The following GLG1 variants were observed in gnomAD, a reference collection of about 807,000 sequenced individuals.
GLG1 encodes Golgi apparatus protein 1.
In GLG1, 38 loss-of-function variants were observed where a neutral mutation model predicts 160.5. The observed-to-expected ratio is 0.24, with a 90% CI of 0.18 to 0.31. The LOEUF is 0.31. Ranked by LOEUF, GLG1 falls within the 10% of genes least tolerant of loss-of-function variation. The pLI is 1.00. For missense variants in GLG1, 1,373 were observed against 1,505.2 expected (o/e 0.91, Z 1.45); for synonymous variants, 644 against 543.4 (o/e 1.19, Z -2.57).
intron 2 of GLG1, among the ~76,000 whole-genome samples, chr16:74,522,002 G>A (rs1456389236): frequency 6.6e-6 from 1 of 152,174 alleles, no homozygotes; most frequent in African/African-American, 2.4e-5. Context: ...TGAAAGTACG[G>A]CATCCCGATT....
rs746009529 is a variant in GLG1 at position 74,462,145 on chromosome 16, G to A, written c.2985C>T (p.Ser995=). 22 of 1,608,504 alleles carry A rather than the reference G, an allele frequency of 1.4e-5. No homozygotes were observed. The highest frequency in any genetic ancestry group is 1.3e-4 in the African/African-American group (10 of 74,778). ...EDQIRIIIQE[S]ALDYRLDPQL... Reference sequence around the variant, plus strand: ...GAGGATCCAGGCGGTAGTCCAGGGCGGACTCCTGGATAATGATTCGGATCT... The same window carrying A: ...GAGGATCCAGGCGGTAGTCCAGGGCAGACTCCTGGATAATGATTCGGATCT... The change falls in exon 22 of 26, where the codon TCC becomes TCT. Residue 995 remains serine, a synonymous_variant. Coordinates refer to ENST00000422840, the MANE Select transcript of GLG1 (RefSeq NM_001145667.2).
At chr16:74,540,106 A>T (rs868844149) in intron 1 of GLG1, among the ~76,000 whole-genome samples, 38 of 1,406 alleles carry the variant, frequency 0.027, 18 homozygotes, top group Non-Finnish European at 0.22. Context: ...TATATATTTT[A>T]TATATATATA....
intron 2 of GLG1, among the ~76,000 whole-genome samples, chr16:74,530,100 G>A (rs989866012): frequency 7.2e-5 from 11 of 152,042 alleles, no homozygotes; most frequent in South Asian, 2.1e-4. Context: ...TACTGCGCCC[G>A]GCTGGCTCTT....
At chr16:74,531,700 C>T (rs558522926) in intron 2 of GLG1, among the ~76,000 whole-genome samples, 1 of 152,292 alleles carries the variant, frequency 6.6e-6, no homozygotes, top group East Asian at 1.9e-4. Context: ...CCAGTGTCTT[C>T]TGTATAGACT....
intron 1 of GLG1, among the ~76,000 whole-genome samples, chr16:74,563,812 A>G (rs1478072727): frequency 6.6e-6 from 1 of 152,190 alleles, no homozygotes; most frequent in African/African-American, 2.4e-5. Flanking sequence ...TGCAAAGGCT[A>G]TGGTTACAAA....
intron 2 of GLG1, among the ~76,000 whole-genome samples, chr16:74,530,397 C>A (rs1304821312): frequency 6.6e-6 from 1 of 152,128 alleles, no homozygotes; most frequent in Non-Finnish European, 1.5e-5. Flanking sequence ...CTGCAGAGAG[C>A]CAGAAAGTAA....
intron 8 of GLG1, among the ~76,000 whole-genome samples, chr16:74,488,473 T>C (rs985509996): frequency 3.9e-5 from 6 of 152,168 alleles, no homozygotes; most frequent in African/African-American, 1.2e-4. Flanking sequence ...GCTACTGTAG[T>C]AGAACACTAA....
At chr16:74,484,070 T>C (rs2015702794) in intron 9 of GLG1, among the ~76,000 whole-genome samples, 1 of 152,248 alleles carries the variant, frequency 6.6e-6, no homozygotes, top group Non-Finnish European at 1.5e-5. Flanking sequence ...TTCTTCCTTC[T>C]TCCCTCTCCC....
rs201151301 is a variant in GLG1 at position 74,463,529 on chromosome 16, C to G, written c.2668-50G>C. 71 of 1,591,918 alleles carry G rather than the reference C, an allele frequency of 4.5e-5. No individual in the cohort carries two copies. The African/African-American group carries it at 9.2e-4, about 21-fold the overall frequency. On this transcript the variant is annotated intron_variant, in intron 19 of 25. Transcript: ENST00000422840. Reference sequence around the variant, plus strand: ...ACAGCTATCTAAACATGGCGATTAACTCCATCTGCGACCACTTTTTTTTTT... The same window carrying G: ...ACAGCTATCTAAACATGGCGATTAAGTCCATCTGCGACCACTTTTTTTTTT...
intron 2 of GLG1, among the ~76,000 whole-genome samples, chr16:74,517,101 C>CA (rs1420062000): frequency 6.6e-6 from 1 of 152,200 alleles, no homozygotes; most frequent in Non-Finnish European, 1.5e-5. Context: ...CAGGTGGACT[C>CA]ACGGCCGAAT....
At chr16:74,598,691 G>C (rs145691597) in intron 1 of GLG1, among the ~76,000 whole-genome samples, 63 of 151,546 alleles carry the variant, frequency 4.2e-4, no homozygotes, top group African/African-American at 1.4e-3. Flanking sequence ...TCAGGAGTTT[G>C]AGACCACCCT....
intron 1 of GLG1, among the ~76,000 whole-genome samples, chr16:74,557,118 A>G (rs1567522069): frequency 1.3e-5 from 2 of 152,176 alleles, no homozygotes; most frequent in African/African-American, 4.8e-5. Flanking sequence ...GGGGTTAGCA[A>G]AAAGTTTGTG....
chr16:74,491,541 G>A (rs192028838), intron 7 of GLG1, among the ~76,000 whole-genome samples: 54 of 151,996 alleles, frequency 3.6e-4, no homozygotes, highest in Admixed American at 9.2e-4. Flanking sequence ...ATCTCCATTG[G>A]CCTACACAAT....
intron 16 of GLG1, 165 bp from the exon 17 acceptor site, chr16:74,469,228 A>G (rs769995524): frequency 9.9e-6 from 6 of 604,624 alleles, no homozygotes; most frequent in South Asian, 5.9e-5. Context: ...AAAAGCTGCA[A>G]TTTGACTGTG....
At chr16:74,480,152 T>C in intron 11 of GLG1, 89 bp downstream of exon 11, 1 of 1,103,158 alleles carries the variant, frequency 9.1e-7, no homozygotes, top group Non-Finnish European at 1.4e-6. Flanking sequence ...AAAGTTTTCC[T>C]AATATGACTG....
chr16:74,549,838 G>A (rs2018149332), intron 1 of GLG1, among the ~76,000 whole-genome samples: 1 of 152,012 alleles, frequency 6.6e-6, no homozygotes, highest in Non-Finnish European at 1.5e-5. Flanking sequence ...AAGGGGCTGA[G>A]CGTGGTGGCT....
chr16:74,501,643 G>A (rs2016407704), intron 4 of GLG1, among the ~76,000 whole-genome samples: 1 of 152,198 alleles, frequency 6.6e-6, no homozygotes, highest in African/African-American at 2.4e-5. Flanking sequence ...TGGCTTTACT[G>A]CATGGAGCAC....
At chr16:74,474,691 G>T in intron 12 of GLG1, 59 bp from the exon 13 acceptor site, 1 of 827,920 alleles carries the variant, frequency 1.2e-6, no homozygotes, top group Non-Finnish European at 2.2e-6. Context: ...ACAAGGCAAG[G>T]GGAGATATCA....
intron 16 of GLG1, chr16:74,469,778 T>C (rs977621596): frequency 1.2e-5 from 7 of 578,482 alleles, no homozygotes; most frequent in African/African-American, 1.1e-4. Flanking sequence ...TCCTTTAGCC[T>C]ATGGGACCTC....
Sources: allele counts gnomAD v4.1 joint callset (sites outside exome capture counted in the v4.1 genomes callset), GRCh38; gene constraint gnomAD v4.1.1; transcripts MANE v1.5; gene names NCBI Gene and HGNC (gene_info 2026-07-23, HGNC 2026-07-21).